The following SLC16A7 variants were observed in gnomAD, a reference collection of about 807,000 sequenced individuals.
SLC16A7 encodes solute carrier family 16 member 7, also known as monocarboxylate transporter 2.
Under a neutral mutation model 34.9 loss-of-function variants are expected in SLC16A7, and 33 were observed. The ratio of observed to expected loss-of-function variants is 0.94; its 90% CI spans 0.72 to 1.26. SLC16A7 has a LOEUF of 1.26. SLC16A7 is among the 50% of genes most tolerant of loss of function. The pLI, the probability that SLC16A7 is intolerant of heterozygous loss-of-function variation, is 0.00. For missense variants in SLC16A7, 573 were observed against 578.1 expected, an observed-to-expected ratio of 0.99 and a Z score of 0.09; for synonymous variants, 201 against 206.6, an observed-to-expected ratio of 0.97 and a Z score of 0.23.
chr12:59,714,795 C>T (rs892180839), intron 3 of SLC16A7, among the ~76,000 whole-genome samples: 6 of 152,094 alleles, frequency 3.9e-5, no homozygotes, highest in African/African-American at 1.4e-4. Flanking sequence ...GAACTCCTGA[C>T]CTCAGGTGAT....
intron 1 of SLC16A7, among the ~76,000 whole-genome samples, chr12:59,636,070 A>AT (rs1325702158): frequency 3.3e-5 from 5 of 150,030 alleles, no homozygotes; most frequent in South Asian, 2.1e-4. Flanking sequence ...ATTTTTATTT[A>AT]TTTTTTTCTA....
Position 59,784,812 on chromosome 12 carries a change from T to A in SLC16A7, c.*5133T>A, listed in dbSNP as rs533363683. 3 of 152,342 alleles carry A rather than the reference T, an allele frequency of 2.0e-5. No individual in the cohort carries two copies. In the South Asian group the frequency reaches 6.2e-4, roughly 32 times the overall value. 9.4% of individuals were successfully genotyped at this position (152,342 alleles called of 1,614,324 possible). Reference sequence around the variant, plus strand: ...ATTTTAGAGTCTTGAAAAACTGATCTTCTTTGGCACTATCCTGAATGTTTC... The same window carrying A: ...ATTTTAGAGTCTTGAAAAACTGATCATCTTTGGCACTATCCTGAATGTTTC... On this transcript the variant is annotated 3_prime_UTR_variant, in exon 6 of 6. Transcript: ENST00000547379.
chr12:59,691,234 T>C (rs1871611244), intron 2 of SLC16A7, among the ~76,000 whole-genome samples: 1 of 152,004 alleles, frequency 6.6e-6, no homozygotes, highest in Non-Finnish European at 1.5e-5. Context: ...AGAAAGTTTA[T>C]TTGGACCAAG....
At chr12:59,734,026 A>G (rs1259970330) in intron 3 of SLC16A7, 6 of 343,010 alleles carry the variant, frequency 1.7e-5, no homozygotes, top group Middle Eastern at 1.1e-3. Flanking sequence ...AAAAAGCTCC[A>G]TAAGTTCTCA....
rs530223754 is a variant in SLC16A7 at position 59,692,337 on chromosome 12, T to C, written c.-30-12435T>C. On this transcript the variant is annotated intron_variant, in intron 2 of 5. Transcript: ENST00000547379. ...TTATACACTCTTTTGCCATATAAGG[T>C]AATATTACAAGTTCTGGGGATCCAG... Among the ~76,000 whole-genome samples the C allele has an allele frequency of 1.6e-4, 25 of 152,076 alleles. 1 individual carries two copies. The South Asian group carries it at 4.1e-3, about 25-fold the overall frequency.
At chr12:59,777,748 AC>A (rs1421104011) in intron 5 of SLC16A7, among the ~76,000 whole-genome samples, 1 of 151,400 alleles carries the variant, frequency 6.6e-6, no homozygotes, top group Non-Finnish European at 1.5e-5. Flanking sequence ...GGTGTGCTGT[AC>A]CCATTAACTC....
At chr12:59,755,300 A>G (rs957269761) in intron 3 of SLC16A7, among the ~76,000 whole-genome samples, 19 of 152,324 alleles carry the variant, frequency 1.2e-4, no homozygotes, top group African/African-American at 4.3e-4. Context: ...AATTAGGAAA[A>G]GAGGAAGTTA....
At chr12:59,609,019 C>T (rs1158889530) in intron 1 of SLC16A7, among the ~76,000 whole-genome samples, 3 of 152,148 alleles carry the variant, frequency 2.0e-5, no homozygotes, top group Non-Finnish European at 4.4e-5. Flanking sequence ...AGGGAAGCTT[C>T]CCCTTTACCC....
At chr12:59,779,281 A>G (rs1883049453) in intron 5 of SLC16A7, 142 bp from the exon 6 acceptor site, 1 of 615,468 alleles carries the variant, frequency 1.6e-6, no homozygotes, top group African/African-American at 1.9e-5. Flanking sequence ...AGAAGTCATA[A>G]TCTAGATTTT....
chr12:59,695,967 A>G (rs898232589), intron 2 of SLC16A7, among the ~76,000 whole-genome samples: 2 of 151,968 alleles, frequency 1.3e-5, no homozygotes, highest in African/African-American at 4.8e-5. Context: ...TAAGCCATGT[A>G]TATTACTGAC....
At chr12:59,655,106 T>G (rs896320341) in intron 1 of SLC16A7, 46 bp from the exon 2 acceptor site, 1 of 151,938 alleles carries the variant, frequency 6.6e-6, no homozygotes, top group African/African-American at 2.4e-5. Flanking sequence ...TTTCTAAACA[T>G]GCATTGAAAT....
chr12:59,621,800 G>A lies in SLC16A7; in HGVS notation c.-130+25564G>A, dbSNP rs369154438. 4.6e-4 allele frequency among the ~76,000 whole-genome samples: 70 copies of A among 151,804 alleles called. 6 individuals are homozygous for A. The South Asian group carries it at 7.3e-3, about 16-fold the overall frequency. Reference sequence around the variant, plus strand: ...CGGTTTTATTTAGGTAGGGGGGTTGGGGTGGGGATGTGGGATGGTGCTGAG... The same window carrying A: ...CGGTTTTATTTAGGTAGGGGGGTTGAGGTGGGGATGTGGGATGGTGCTGAG... On this transcript the variant is annotated intron_variant, in intron 1 of 5. Transcript: ENST00000547379.
At chr12:59,629,893 G>A (rs190661459) in intron 1 of SLC16A7, among the ~76,000 whole-genome samples, 1 of 151,946 alleles carries the variant, frequency 6.6e-6, no homozygotes, top group South Asian at 2.1e-4. Context: ...ATAGAAACAT[G>A]CTTCTGGAAC....
intron 3 of SLC16A7, among the ~76,000 whole-genome samples, chr12:59,750,080 A>G (rs536746960): frequency 6.6e-6 from 1 of 152,322 alleles, no homozygotes; most frequent in South Asian, 2.1e-4. Flanking sequence ...TGCATTAAAG[A>G]CTTAAATATA....
In SLC16A7 at chr12:59,655,133, T is replaced by A. The variant is rs1437517043; in HGVS notation, c.-129-19T>A. 6 of 151,934 alleles carry A rather than the reference T, an allele frequency of 3.9e-5. No individual in the cohort carries two copies. The highest frequency in any genetic ancestry group is 8.8e-5 in the Non-Finnish European group (6 of 67,912). 9.4% of individuals were successfully genotyped at this position (151,934 alleles called of 1,614,324 possible). Reference sequence around the variant, plus strand: ...CATTGAAATATTTAGATGGTTACTATATTCTTTGATTCTTCTAGGAGTCAA... The same window carrying A: ...CATTGAAATATTTAGATGGTTACTAAATTCTTTGATTCTTCTAGGAGTCAA... On this transcript the variant is annotated intron_variant, in intron 1 of 5. Coordinates refer to ENST00000547379, the MANE Select transcript of SLC16A7 (RefSeq NM_001270623.2).
At chr12:59,641,438 A>T (rs1030356223) in intron 1 of SLC16A7, among the ~76,000 whole-genome samples, 1 of 152,088 alleles carries the variant, frequency 6.6e-6, no homozygotes, top group Admixed American at 6.6e-5. Context: ...TGGGGTTACC[A>T]TGCTGAATGA....
rs530538151 is a variant in SLC16A7, at chr12:59,597,412, T to C, written c.-130+1176T>C. Among the ~76,000 whole-genome samples the C allele has an allele frequency of 3.9e-5, 6 of 152,060 alleles. No individual in the cohort carries two copies. The South Asian group carries it at 1.2e-3, about 32-fold the overall frequency. ...ATAAAATAGCGGACAATGATGAAAGTGATGGGAAAAAGACTGGACCCAGAG... is the reference window on the plus strand; with the variant it reads ...ATAAAATAGCGGACAATGATGAAAGCGATGGGAAAAAGACTGGACCCAGAG... On this transcript the variant is annotated intron_variant, in intron 1 of 5. Transcript: ENST00000547379.
At chr12:59,598,698 T>C (rs1302408725) in intron 1 of SLC16A7, among the ~76,000 whole-genome samples, 4 of 152,230 alleles carry the variant, frequency 2.6e-5, no homozygotes, top group Non-Finnish European at 5.9e-5. Context: ...CTTCATGTTA[T>C]GAGGGCAGGA....
At position 59,756,147 on chromosome 12, in the gene SLC16A7, A is replaced by G. The variant is rs546259028; in HGVS notation, c.218-15072A>G. Among the ~76,000 whole-genome samples, 7 of 152,370 alleles carry G rather than the reference A, an allele frequency of 4.6e-5. No homozygotes were observed. In the South Asian group the frequency reaches 1.4e-3, roughly 32 times the overall value. ...TCTTAAACGTTAGACCTAAAACCAT[A>G]AAAAGCCTAGAAGAAAATCTAGGCA... On this transcript the variant is annotated intron_variant, in intron 3 of 5. Coordinates refer to ENST00000547379, the MANE Select transcript of SLC16A7 (RefSeq NM_001270623.2).
Sources: allele counts gnomAD v4.1 joint callset (sites outside exome capture counted in the v4.1 genomes callset), GRCh38; gene constraint gnomAD v4.1.1; transcripts MANE v1.5; gene names NCBI Gene and HGNC (gene_info 2026-07-23, HGNC 2026-07-21).